Variants in EIF5B observed in about 807,000 individuals in gnomAD.
EIF5B encodes eIF-5B.
EIF5B carries 47 observed loss-of-function variants against 147.5 expected under a neutral mutation model. The ratio of observed to expected loss-of-function variants is 0.32; its 90% CI spans 0.25 to 0.41. The LOEUF is 0.41. Ranked by LOEUF, EIF5B falls within the 10% of genes least tolerant of loss-of-function variation. The probability of loss-of-function intolerance (pLI) is 1.00; values close to 1 mark genes in which losing one functional copy is unlikely to be tolerated. For synonymous variants in EIF5B, 455 were observed against 456.2 expected, an observed-to-expected ratio of 1.00 and a Z score of 0.03; for missense variants, 1,064 against 1,413.2, an observed-to-expected ratio of 0.75 and a Z score of 3.96.
At chr2:99,349,769 A>G (rs1041170172) in intron 1 of EIF5B, among the ~76,000 whole-genome samples, 1 of 152,244 alleles carries the variant, frequency 6.6e-6, no homozygotes, top group South Asian at 2.1e-4. Context: ...GATGATTAGC[A>G]TATCTATCAC....
intron 8 of EIF5B, among the ~76,000 whole-genome samples, chr2:99,369,731 C>G (rs561244507): frequency 1.8e-4 from 27 of 152,236 alleles, no homozygotes; most frequent in Admixed American, 6.5e-4. Flanking sequence ...AAAGGATACA[C>G]TTTGGGAGGG....
At chr2:99,397,013 G>A in intron 22 of EIF5B, 115 bp downstream of exon 22, 1 of 1,182,290 alleles carries the variant, frequency 8.5e-7, no homozygotes, top group Non-Finnish European at 1.1e-6. Context: ...TGTGTATTTA[G>A]TGTGGTCTCC....
At chr2:99,354,698 G>T (rs1156528205) in intron 1 of EIF5B, among the ~76,000 whole-genome samples, 15 of 151,258 alleles carry the variant, frequency 9.9e-5, no homozygotes, top group Admixed American at 9.2e-4. Context: ...TGAGGGTGAG[G>T]TTCATTTTTG....
chr2:99,363,164 A>G (rs1674255571), intron 4 of EIF5B, among the ~76,000 whole-genome samples: 1 of 152,130 alleles, frequency 6.6e-6, no homozygotes, highest in Non-Finnish European at 1.5e-5. Context: ...GAGTATAACT[A>G]CCTATATTTT....
intron 1 of EIF5B, among the ~76,000 whole-genome samples, chr2:99,353,577 C>T (rs1273858319): frequency 6.6e-6 from 1 of 152,184 alleles, no homozygotes; most frequent in African/African-American, 2.4e-5. Flanking sequence ...AATATTATTA[C>T]ATGTGTAGGT....
intron 22 of EIF5B, 159 bp downstream of exon 22, chr2:99,397,057 C>CA (rs1214148301): frequency 1.3e-6 from 1 of 754,130 alleles, no homozygotes; most frequent in Non-Finnish European, 1.9e-6. Context: ...GTTTTTACCT[C>CA]AGTAGGAAGA....
rs1675058451 is a variant in EIF5B, at chr2:99,396,781, C to A, written c.3276C>A (p.Cys1092Ter). Residue 1092 changes from cysteine (C) to a stop codon, truncating the protein, a stop_gained, in exon 22 of 24, where the codon TGC becomes TGA. Transcript: ENST00000289371. LOFTEE classifies it high-confidence loss of function. ...TCAGGCACATAGCAGTATTTCCCTG[C>A]AAGATAAAAATCCTCCCTCAGTACA... ...EEFKHIAVFP[C>*]KIKILPQYIF... 1 of 1,610,326 alleles carries A rather than the reference C, an allele frequency of 6.2e-7. No individual in the cohort carries two copies. Among genetic ancestry groups the A allele is most frequent in the African/African-American group, 1.3e-5 (1 of 74,614 alleles).
chr2:99,352,729 C>T (rs1445103873), intron 1 of EIF5B, among the ~76,000 whole-genome samples: 1 of 151,870 alleles, frequency 6.6e-6, no homozygotes, highest in African/African-American at 2.4e-5. Context: ...GATCCACCCA[C>T]CTCCCAAAGC....
At chr2:99,372,403 A>G (rs1377637445) in intron 9 of EIF5B, among the ~76,000 whole-genome samples, 1 of 152,158 alleles carries the variant, frequency 6.6e-6, no homozygotes, top group Non-Finnish European at 1.5e-5. Context: ...CAGTGGCGCA[A>G]TCTCGGCTCA....
intron 1 of EIF5B, 124 bp downstream of exon 1, chr2:99,337,713 G>C (rs1039246226): frequency 9.5e-5 from 121 of 1,270,064 alleles, no homozygotes; most frequent in Non-Finnish European, 1.3e-4. Context: ...TACCAGGCCT[G>C]GGCCCAGAGT....
intron 22 of EIF5B, chr2:99,397,306 C>A (rs1040268776): frequency 6.5e-6 from 1 of 154,010 alleles, no homozygotes; most frequent in African/African-American, 2.4e-5. Flanking sequence ...TTTCTGTCAG[C>A]ATACCTAAGA....
At chr2:99,386,392 C>T (rs1043425065) in intron 14 of EIF5B, among the ~76,000 whole-genome samples, 1 of 151,648 alleles carries the variant, frequency 6.6e-6, no homozygotes, top group Non-Finnish European at 1.5e-5. Flanking sequence ...TATATAATTC[C>T]TTTTTCACTT....
chr2:99,342,687 A>C (rs1244103632), intron 1 of EIF5B, among the ~76,000 whole-genome samples: 1 of 151,824 alleles, frequency 6.6e-6, no homozygotes, highest in Non-Finnish European at 1.5e-5. Context: ...GCTAGAGTGC[A>C]ATGGTGTGAT....
rs1674206926 is a variant in EIF5B at position 99,361,283 on chromosome 2, A to C, written c.382A>C (p.Lys128Gln). Residue 128 changes from lysine to glutamine, a missense_variant, in exon 4 of 24, where the codon AAA becomes CAA. By Grantham distance (53) the Lys-to-Gln change is moderately conservative. Coordinates refer to ENST00000289371, the MANE Select transcript of EIF5B (RefSeq NM_015904.4). ...DKDSKSKKTA[K>Q]PKVEMYSGSD... ...AGATTCAAAATCAAAAAAGACTGCA[A>C]AACCGAAAGTGGAAATGTACTCTGG... The C allele has an allele frequency of 2.5e-6, 4 of 1,612,882 alleles. No homozygotes were observed. In the South Asian group the frequency reaches 3.3e-5, roughly 13 times the overall value.
At chr2:99,363,914 A>T (rs774290174) in intron 5 of EIF5B, 52 bp downstream of exon 5, 2 of 1,529,306 alleles carry the variant, frequency 1.3e-6, no homozygotes, top group East Asian at 2.3e-5. Flanking sequence ...CTTAAAATCT[A>T]TTCTCTGTAA....
rs768302896 is a variant in EIF5B at position 99,361,554 on chromosome 2, A to G, written c.653A>G (p.Asp218Gly). 6.2e-7 allele frequency: 1 copy of G among 1,613,630 alleles called. No individual in the cohort carries two copies. ...PGPNIESGNE[D>G]DDASFKIKTV... ...CCTAACATAGAAAGTGGGAATGAAG[A>G]TGATGACGCCTCCTTCAAAATTAAG... Residue 218 changes from aspartate to glycine, a missense_variant, in exon 4 of 24, where the codon GAT (aspartate) becomes GGT (glycine). Transcript: ENST00000289371.
intron 1 of EIF5B, among the ~76,000 whole-genome samples, chr2:99,358,242 T>C (rs1007744394): frequency 7.9e-5 from 12 of 152,244 alleles, no homozygotes; most frequent in African/African-American, 2.9e-4. Flanking sequence ...AATTTTTTTA[T>C]ATTTTTTAGA....
At chr2:99,397,073 T>A in intron 22 of EIF5B, 175 bp downstream of exon 22, 1 of 646,876 alleles carries the variant, frequency 1.5e-6, no homozygotes, top group Non-Finnish European at 2.3e-6. Context: ...GAAGAAAATG[T>A]GGTAACTTTA....
chr2:99,384,881 T>G (rs1225890591), intron 14 of EIF5B, among the ~76,000 whole-genome samples: 4 of 152,184 alleles, frequency 2.6e-5, no homozygotes, highest in African/African-American at 9.7e-5. Context: ...TGGAGTCTCC[T>G]TCTGGTGAGG....
Sources: allele counts gnomAD v4.1 joint callset (sites outside exome capture counted in the v4.1 genomes callset), GRCh38; gene constraint gnomAD v4.1.1; transcripts MANE v1.5; gene names NCBI Gene and HGNC (gene_info 2026-07-23, HGNC 2026-07-21).